The following ZNF503 variants were observed in gnomAD, a reference collection of about 807,000 sequenced individuals.
ZNF503 encodes the protein zinc finger protein 503, also known as NocA-like zinc finger 2.
In ZNF503, 15 loss-of-function variants were observed where a neutral mutation model predicts 34.4. The ratio of observed to expected loss-of-function variants is 0.44; its 90% CI spans 0.29 to 0.67. The LOEUF is 0.67. Ranked by LOEUF, ZNF503 falls within the 30% of genes least tolerant of loss-of-function variation. ZNF503 has a pLI of 0.13. For missense variants in ZNF503, 1,007 were observed against 926.8 expected (o/e 1.09, Z -1.12); for synonymous variants, 580 against 456.8 (o/e 1.27, Z -3.44).
At chr10:75,400,806 G>GT (rs1843790709) in intron 1 of ZNF503, among the ~76,000 whole-genome samples, 1 of 152,224 alleles carries the variant, frequency 6.6e-6, no homozygotes. Context: ...CTTTGGAACC[G>GT]TATTTCAGAC....
At chr10:75,326,228 C>T in the ZNF503 span, among the ~76,000 whole-genome samples, 30 of 152,272 alleles carry the variant, frequency 2.0e-4, no homozygotes, top group Middle Eastern at 3.4e-3. Flanking sequence ...TTAATTCTAA[C>T]AGTTTTTTGG....
chr10:75,324,078 G>A, the ZNF503 span, among the ~76,000 whole-genome samples: 1 of 148,992 alleles, frequency 6.7e-6, no homozygotes, highest in African/African-American at 2.5e-5. Flanking sequence ...GCGTTTGTCA[G>A]AAATATGATT....
At chr10:75,384,246 C>G in the ZNF503 span, among the ~76,000 whole-genome samples, 1 of 152,018 alleles carries the variant, frequency 6.6e-6, no homozygotes, top group East Asian at 1.9e-4. Flanking sequence ...ATGGTGCAGA[C>G]ACACACACAC....
In ZNF503 at chr10:75,399,743, C is replaced by G. The variant is rs973627326; in HGVS notation, c.947G>C (p.Gly316Ala). The G allele has an allele frequency of 1.3e-6, 2 of 1,593,646 alleles. No individual in the cohort carries two copies. Among genetic ancestry groups the G allele is most frequent in the East Asian group, 4.5e-5 (2 of 44,456 alleles). Residue 316 changes from glycine (G) to alanine (A), a missense_variant, in exon 2 of 2, where the codon GGC becomes GCC. Physicochemically the swap from Gly to Ala is moderately conservative, Grantham distance 60 (BLOSUM62 0). Transcript: ENST00000372524. ...GCTGGGGCCGGAGCCGGAGCTGGAGCCCGATGAACCGCCGCAGTCCGAGCC... is the reference window on the plus strand; with the variant it reads ...GCTGGGGCCGGAGCCGGAGCTGGAGGCCGATGAACCGCCGCAGTCCGAGCC... ...ALGSDCGGSS[G>A]SSSGSGPSAP...
At chr10:75,292,597 C>A in the ZNF503 span, among the ~76,000 whole-genome samples, 1 of 152,130 alleles carries the variant, frequency 6.6e-6, no homozygotes, top group African/African-American at 2.4e-5. Flanking sequence ...AGAGAAGGAC[C>A]CTGATTGGTC....
chr10:75,356,468 G>A, the ZNF503 span, among the ~76,000 whole-genome samples: 1 of 152,224 alleles, frequency 6.6e-6, no homozygotes, highest in Non-Finnish European at 1.5e-5. Context: ...GCCTGCCTCA[G>A]CCTCCCAAAG....
chr10:75,363,841 A>G, the ZNF503 span, among the ~76,000 whole-genome samples: 1 of 152,188 alleles, frequency 6.6e-6, no homozygotes, highest in Non-Finnish European at 1.5e-5. Context: ...TTTTGTGACA[A>G]TTGAGAAGGA....
At chr10:75,373,118 C>T in the ZNF503 span, among the ~76,000 whole-genome samples, 3 of 152,240 alleles carry the variant, frequency 2.0e-5, no homozygotes, top group East Asian at 3.9e-4. Flanking sequence ...TGCACGTATT[C>T]GCCATCTTCC....
chr10:75,311,910 T>C, the ZNF503 span, among the ~76,000 whole-genome samples: 10 of 152,022 alleles, frequency 6.6e-5, no homozygotes, highest in African/African-American at 2.4e-4. Context: ...GCTAATTTTT[T>C]TTTTTTGTAT....
chr10:75,378,285 C>G, the ZNF503 span, among the ~76,000 whole-genome samples: 6 of 152,120 alleles, frequency 3.9e-5, no homozygotes, highest in African/African-American at 1.4e-4. Context: ...TTTCCAACCC[C>G]CATCCCCAAC....
At chr10:75,376,470 C>A in the ZNF503 span, among the ~76,000 whole-genome samples, 5 of 152,044 alleles carry the variant, frequency 3.3e-5, no homozygotes, top group African/African-American at 9.7e-5. Flanking sequence ...ATGGCGAAAC[C>A]CTGTCTCTAC....
At chr10:75,302,775 A>G in the ZNF503 span, among the ~76,000 whole-genome samples, 1 of 152,182 alleles carries the variant, frequency 6.6e-6, no homozygotes, top group African/African-American at 2.4e-5. Context: ...CATTGAGATC[A>G]CTTATCTGAC....
downstream of ZNF503, among the ~76,000 whole-genome samples, chr10:75,394,964 A>G (rs1319993986): frequency 2.0e-5 from 3 of 152,092 alleles, no homozygotes; most frequent in African/African-American, 7.2e-5. Context: ...AGGTAGGGGG[A>G]TAAGATTGGA....
the ZNF503 span, among the ~76,000 whole-genome samples, chr10:75,321,251 T>C: frequency 2.0e-5 from 3 of 152,210 alleles, no homozygotes; most frequent in African/African-American, 7.2e-5. Context: ...ATGCTTTCTG[T>C]ACAGCCTGCA....
At chr10:75,357,985 A>T in the ZNF503 span, among the ~76,000 whole-genome samples, 33 of 152,228 alleles carry the variant, frequency 2.2e-4, no homozygotes, top group East Asian at 6.2e-3. Context: ...AGCCCTCCAG[A>T]CCCAGTGGGT....
At chr10:75,341,346 A>C in the ZNF503 span, among the ~76,000 whole-genome samples, 2 of 152,242 alleles carry the variant, frequency 1.3e-5, no homozygotes, top group South Asian at 2.1e-4. Context: ...CCTTGAAAAA[A>C]TAGTATGCAC....
At chr10:75,326,980 A>G in the ZNF503 span, among the ~76,000 whole-genome samples, 55 of 152,284 alleles carry the variant, frequency 3.6e-4, no homozygotes, top group African/African-American at 1.3e-3. Context: ...CACCACACTC[A>G]GCCCAGTGTG....
chr10:75,300,659 G>T, the ZNF503 span, among the ~76,000 whole-genome samples: 1 of 150,894 alleles, frequency 6.6e-6, no homozygotes, highest in Non-Finnish European at 1.5e-5. Flanking sequence ...TCCGTTCGGG[G>T]TCCCTGACTT....
the ZNF503 span, among the ~76,000 whole-genome samples, chr10:75,326,936 C>T: frequency 2.0e-5 from 3 of 152,018 alleles, no homozygotes; most frequent in African/African-American, 4.8e-5. Context: ...CCTCCCACCT[C>T]GGCCTCCAAA....
Sources: gnomAD v4.1 joint callset for allele counts (sites outside exome capture counted in the v4.1 genomes callset) on GRCh38, gnomAD v4.1.1 for gene constraint, MANE v1.5 for transcripts, NCBI Gene and HGNC (gene_info 2026-07-23, HGNC 2026-07-21) for gene names.